Variants in THSD4 observed in about 807,000 individuals in gnomAD.
THSD4 encodes thrombospondin type-1 domain-containing protein 4.
In THSD4, 69 loss-of-function variants were observed where a neutral mutation model predicts 119.0. The ratio of observed to expected loss-of-function variants is 0.58; its 90% CI spans 0.48 to 0.71. The LOEUF is 0.71. Among genes scored for constraint, THSD4 ranks in the 30% least tolerant of loss-of-function variants. THSD4 has a pLI of 0.00. For synonymous variants in THSD4, 524 were observed against 540.4 expected, an observed-to-expected ratio of 0.97 and a Z score of 0.42; for missense variants, 1,393 against 1,391.1, an observed-to-expected ratio of 1.00 and a Z score of -0.02.
intron 4 of THSD4, among the ~76,000 whole-genome samples, chr15:71,225,211 G>A (rs899512097): frequency 1.3e-5 from 2 of 152,194 alleles, no homozygotes; most frequent in Non-Finnish European, 2.9e-5. Flanking sequence ...TGTTTATGAA[G>A]GAGAGTGACA....
chr15:71,649,493 T>G (rs1595826896), intron 7 of THSD4, among the ~76,000 whole-genome samples: 1 of 152,166 alleles, frequency 6.6e-6, no homozygotes, highest in Non-Finnish European at 1.5e-5. Flanking sequence ...GCCAGGCTGG[T>G]CTTGAACTCC....
intron 8 of THSD4, among the ~76,000 whole-genome samples, chr15:71,698,546 G>T (rs2052213902): frequency 6.6e-6 from 1 of 151,382 alleles, no homozygotes; most frequent in Non-Finnish European, 1.5e-5. Flanking sequence ...CTTATTTCTT[G>T]CAGCATTATT....
chr15:71,619,924 C>T (rs1031476239), intron 7 of THSD4, among the ~76,000 whole-genome samples: 18 of 152,126 alleles, frequency 1.2e-4, no homozygotes, highest in African/African-American at 3.1e-4. Flanking sequence ...AGTATATATT[C>T]GACATATTCT....
At chr15:71,129,404 G>A (rs574657714) in intron 1 of THSD4, among the ~76,000 whole-genome samples, 1 of 152,322 alleles carries the variant, frequency 6.6e-6, no homozygotes, top group East Asian at 1.9e-4. Context: ...AGCCAACAAG[G>A]AAGACAGAAG....
At chr15:71,455,736 A>T (rs780383113) in intron 7 of THSD4, among the ~76,000 whole-genome samples, 1 of 152,162 alleles carries the variant, frequency 6.6e-6, no homozygotes, top group Non-Finnish European at 1.5e-5. Flanking sequence ...AGAAGCACTG[A>T]GGAGGGGGGT....
chr15:71,267,162 C>T (rs1372195855), intron 6 of THSD4, among the ~76,000 whole-genome samples: 1 of 152,170 alleles, frequency 6.6e-6, no homozygotes, highest in Non-Finnish European at 1.5e-5. Context: ...ACATAATTGT[C>T]AGATTCACCA....
intron 7 of THSD4, among the ~76,000 whole-genome samples, chr15:71,595,151 T>C (rs1024514137): frequency 1.1e-4 from 16 of 152,342 alleles, no homozygotes; most frequent in African/African-American, 3.8e-4. Context: ...GAAGCTCTCT[T>C]CTATACAAGT....
chr15:71,346,496 G>C (rs2045661865), intron 6 of THSD4, among the ~76,000 whole-genome samples: 1 of 152,126 alleles, frequency 6.6e-6, no homozygotes, highest in Non-Finnish European at 1.5e-5. Flanking sequence ...ACTTTGGCCT[G>C]GCTTCAGTGT....
intron 3 of THSD4, among the ~76,000 whole-genome samples, chr15:71,214,160 A>AT (rs1567159370): frequency 1.4e-5 from 2 of 144,652 alleles, no homozygotes; most frequent in African/African-American, 5.5e-5. Context: ...AGCACTCTGT[A>AT]AAATGGACCG....
chr15:71,548,608 CCTCTG>C, intron 7 of THSD4, among the ~76,000 whole-genome samples: 1 of 152,318 alleles, frequency 6.6e-6, no homozygotes, highest in African/African-American at 2.4e-5. Context: ...TTACTCATGT[CCTCTG>C]CTCTGTAGAC....
intron 8 of THSD4, among the ~76,000 whole-genome samples, chr15:71,671,635 G>C: frequency 6.6e-6 from 1 of 152,160 alleles, no homozygotes; most frequent in South Asian, 2.1e-4. Flanking sequence ...TTTAAGTCTT[G>C]AATCCATCTT....
intron 4 of THSD4, among the ~76,000 whole-genome samples, chr15:71,242,057 G>A (rs534288384): frequency 6.6e-5 from 10 of 152,200 alleles, no homozygotes; most frequent in African/African-American, 1.7e-4. Context: ...AGTATTTAAC[G>A]CCCTTGAATA....
intron 7 of THSD4, among the ~76,000 whole-genome samples, chr15:71,495,663 A>G (rs1377371678): frequency 3.3e-5 from 5 of 152,192 alleles, no homozygotes; most frequent in African/African-American, 7.2e-5. Context: ...ATGAGTGTCA[A>G]TATTATTATC....
chr15:71,267,215 G>A (rs2044474660), intron 6 of THSD4, among the ~76,000 whole-genome samples: 1 of 152,112 alleles, frequency 6.6e-6, no homozygotes, highest in South Asian at 2.1e-4. Context: ...GCTAGAGAAA[G>A]GTCGGGTTAC....
At chr15:71,230,337 C>CT (rs1465984993) in intron 4 of THSD4, among the ~76,000 whole-genome samples, 5 of 152,210 alleles carry the variant, frequency 3.3e-5, no homozygotes, top group African/African-American at 1.2e-4. Flanking sequence ...ATTTACTGTT[C>CT]TTTCATGCAA....
intron 6 of THSD4, among the ~76,000 whole-genome samples, chr15:71,280,978 C>A (rs541460310): frequency 1.3e-5 from 2 of 152,324 alleles, no homozygotes; most frequent in South Asian, 2.1e-4. Flanking sequence ...ATTGAACTTT[C>A]TGGACTCATC....
intron 7 of THSD4, among the ~76,000 whole-genome samples, chr15:71,645,096 C>T (rs561794706): frequency 6.6e-6 from 1 of 152,130 alleles, no homozygotes; most frequent in Non-Finnish European, 1.5e-5. Context: ...AGAATACAGT[C>T]TCAAAGCTGG....
intron 7 of THSD4, among the ~76,000 whole-genome samples, chr15:71,608,279 C>CACACACAT (rs2050155596): frequency 6.9e-6 from 1 of 144,094 alleles, no homozygotes; most frequent in Admixed American, 7.1e-5. Context: ...CACACACACA[C>CACACACAT]ACACTCATTG....
intron 1 of THSD4, among the ~76,000 whole-genome samples, chr15:71,140,330 C>T (rs778772770): frequency 4.5e-4 from 69 of 152,092 alleles, no homozygotes; most frequent in Non-Finnish European, 8.5e-4. Context: ...GTGTGTCACA[C>T]GGCAAGAGAG....
Sources: gnomAD v4.1 joint callset for allele counts (sites outside exome capture counted in the v4.1 genomes callset) on GRCh38, gnomAD v4.1.1 for gene constraint, MANE v1.5 for transcripts, NCBI Gene and HGNC (gene_info 2026-07-23, HGNC 2026-07-21) for gene names.